Variants in NFIA observed in about 807,000 individuals in gnomAD.
The protein encoded by NFIA is nuclear factor I A, also known as nuclear factor 1 A-type.
A neutral mutation model predicts 62.8 loss-of-function variants in NFIA; 8 were observed. That is an observed-to-expected ratio of 0.13 (90% CI 0.07 to 0.23). The LOEUF (loss-of-function observed/expected upper bound fraction) is 0.23. NFIA is among the 10% of genes least tolerant of loss of function. The probability of loss-of-function intolerance (pLI) is 1.00; values close to 1 mark genes in which losing one functional copy is unlikely to be tolerated. For missense variants in NFIA, 410 were observed against 642.1 expected (o/e 0.64, Z 3.91); for synonymous variants, 235 against 238.1 (o/e 0.99, Z 0.12).
chr1:61,366,702 C>T (rs1663609387), intron 6 of NFIA, among the ~76,000 whole-genome samples: 2 of 152,170 alleles, frequency 1.3e-5, no homozygotes, highest in Non-Finnish European at 2.9e-5. Context: ...GTGGGCAGAT[C>T]ACTTGAGGTC....
rs1250443560 is a variant in NFIA at position 61,458,944 on chromosome 1, A to G, written c.*3624A>G. 6.6e-6 allele frequency: 1 copy of G among 152,192 alleles called. No homozygotes were observed. The highest frequency in any genetic ancestry group is 2.1e-4 in the South Asian group (1 of 4,836). 9.4% of individuals were successfully genotyped at this position (152,192 alleles called of 1,614,324 possible). On this transcript the variant is annotated 3_prime_UTR_variant, in exon 11 of 11. Coordinates refer to ENST00000403491, the MANE Select transcript of NFIA (RefSeq NM_001134673.4). ...GGGAGGCAGTCTAGGGTGATAACGA[A>G]CAGGGGTTAAGTATTAAATACACGA... is the stretch of plus-strand genomic sequence containing the variant.
At chr1:61,115,432 A>G (rs765580080) in intron 2 of NFIA, among the ~76,000 whole-genome samples, 55 of 152,360 alleles carry the variant, frequency 3.6e-4, no homozygotes, top group Non-Finnish European at 7.2e-4. Flanking sequence ...TGTCTTACAC[A>G]TAGACTACAA....
At chr1:61,348,864 C>T (rs1339215755) in intron 4 of NFIA, among the ~76,000 whole-genome samples, 1 of 152,184 alleles carries the variant, frequency 6.6e-6, no homozygotes, top group Non-Finnish European at 1.5e-5. Flanking sequence ...AATGAAACGG[C>T]TTCTCCACCC....
At chr1:61,395,825 CT>C (rs1317938148) in intron 7 of NFIA, among the ~76,000 whole-genome samples, 1 of 152,114 alleles carries the variant, frequency 6.6e-6, no homozygotes, top group African/African-American at 2.4e-5. Context: ...TTTTTAAACT[CT>C]AAATATTACA....
chr1:61,267,935 C>T (rs951823792), intron 2 of NFIA, among the ~76,000 whole-genome samples: 1 of 152,038 alleles, frequency 6.6e-6, no homozygotes, highest in East Asian at 1.9e-4. Flanking sequence ...AATGAATGAA[C>T]GAGATGGATA....
At chr1:61,317,469 T>C (rs952017629) in intron 3 of NFIA, among the ~76,000 whole-genome samples, 1 of 152,046 alleles carries the variant, frequency 6.6e-6, no homozygotes, top group Non-Finnish European at 1.5e-5. Context: ...CACACAAATA[T>C]ATATACTAAT....
chr1:61,129,999 G>C (rs146895814), intron 2 of NFIA, among the ~76,000 whole-genome samples: 2 of 152,004 alleles, frequency 1.3e-5, no homozygotes, highest in African/African-American at 2.4e-5. Flanking sequence ...AAATTGACCC[G>C]GTGTGGTGGT....
At chr1:61,120,563 A>C (rs1402993490) in intron 2 of NFIA, among the ~76,000 whole-genome samples, 1 of 152,208 alleles carries the variant, frequency 6.6e-6, no homozygotes, top group Non-Finnish European at 1.5e-5. Flanking sequence ...GCTGCCATCA[A>C]AAGAGTGATA....
At chr1:61,374,862 GA>G (rs1179597973) in intron 6 of NFIA, among the ~76,000 whole-genome samples, 1 of 152,110 alleles carries the variant, frequency 6.6e-6, no homozygotes, top group African/African-American at 2.4e-5. Flanking sequence ...TTTATTGACT[GA>G]AAAAGGCTAA....
At chr1:61,295,417 C>T (rs1396259614) in intron 3 of NFIA, among the ~76,000 whole-genome samples, 1 of 152,206 alleles carries the variant, frequency 6.6e-6, no homozygotes, top group East Asian at 1.9e-4. Flanking sequence ...CATGGTGTCT[C>T]TCTTGCTCAG....
intron 2 of NFIA, among the ~76,000 whole-genome samples, chr1:61,219,284 A>AT (rs1653853992): frequency 3.3e-5 from 5 of 152,202 alleles, no homozygotes; most frequent in South Asian, 4.1e-4. Flanking sequence ...TTGTAAAAGA[A>AT]TTTTTTCCAA....
chr1:61,425,079 TA>T (rs1666806485), intron 9 of NFIA, among the ~76,000 whole-genome samples: 1 of 152,204 alleles, frequency 6.6e-6, no homozygotes, highest in South Asian at 2.1e-4. Flanking sequence ...GTTTCTTATT[TA>T]AGAGACATCA....
chr1:61,378,610 G>C (rs1431708244), intron 6 of NFIA, among the ~76,000 whole-genome samples: 3 of 152,184 alleles, frequency 2.0e-5, no homozygotes, highest in African/African-American at 2.4e-5. Flanking sequence ...GCAACACACA[G>C]TTATTAATAT....
intron 3 of NFIA, among the ~76,000 whole-genome samples, chr1:61,289,008 G>A (rs1365515739): frequency 2.6e-5 from 4 of 152,300 alleles, no homozygotes; most frequent in Non-Finnish European, 5.9e-5. Context: ...GGGCTCAAGA[G>A]ATCCACCTGC....
intron 2 of NFIA, among the ~76,000 whole-genome samples, chr1:61,199,314 C>T (rs971869243): frequency 6.6e-6 from 1 of 152,158 alleles, no homozygotes; most frequent in African/African-American, 2.4e-5. Flanking sequence ...AGACATACTG[C>T]TGGTTGAGGA....
intron 2 of NFIA, among the ~76,000 whole-genome samples, chr1:61,138,727 G>A (rs998656327): frequency 6.6e-6 from 1 of 151,898 alleles, no homozygotes; most frequent in African/African-American, 2.4e-5. Context: ...TTACAGGCAT[G>A]TGCTACTGCA....
intron 2 of NFIA, among the ~76,000 whole-genome samples, chr1:61,277,230 GTCTC>G (rs1657856679): frequency 6.6e-6 from 1 of 152,212 alleles, no homozygotes. Context: ...TTTGGAAATG[GTCTC>G]TCTAAGAGAA....
chr1:61,209,480 A>C (rs1020546542), intron 2 of NFIA, among the ~76,000 whole-genome samples: 17 of 152,192 alleles, frequency 1.1e-4, no homozygotes, highest in African/African-American at 3.6e-4. Flanking sequence ...AGATAGGCCC[A>C]AAATAAACAA....
intron 2 of NFIA, among the ~76,000 whole-genome samples, chr1:61,135,814 A>G (rs1399631994): frequency 6.6e-6 from 1 of 152,220 alleles, no homozygotes; most frequent in African/African-American, 2.4e-5. Flanking sequence ...CAGGAAACCA[A>G]CTTTCAGGTT....
Sources: allele counts gnomAD v4.1 joint callset (sites outside exome capture counted in the v4.1 genomes callset), GRCh38; gene constraint gnomAD v4.1.1; transcripts MANE v1.5; gene names NCBI Gene and HGNC (gene_info 2026-07-23, HGNC 2026-07-21).